PIP5K1B: variants seen among roughly 807,000 people sequenced by gnomAD.
PIP5K1B encodes the protein phosphatidylinositol 4-phosphate 5-kinase type-1 beta.
PIP5K1B carries 42 observed loss-of-function variants against 67.0 expected under a neutral mutation model. The observed-to-expected ratio is 0.63, with a 90% confidence interval of 0.49 to 0.81. The LOEUF (loss-of-function observed/expected upper bound fraction) is 0.81. Ranked by LOEUF, PIP5K1B falls within the 30% of genes least tolerant of loss-of-function variation. PIP5K1B has a pLI of 0.00. For missense variants in PIP5K1B, 459 were observed against 646.3 expected (o/e 0.71, Z 3.14); for synonymous variants, 214 against 231.4 (o/e 0.92, Z 0.68).
chr9:68,929,413 T>C (rs111543385), intron 12 of PIP5K1B, among the ~76,000 whole-genome samples: 2,571 of 152,234 alleles, frequency 0.017, 83 homozygotes, highest in African/African-American at 0.059. Flanking sequence ...ATCTGCTCAT[T>C]CTCATATATC....
chr9:68,921,094 T>G (rs1411029280), intron 11 of PIP5K1B, among the ~76,000 whole-genome samples: 1 of 152,136 alleles, frequency 6.6e-6, no homozygotes, highest in Non-Finnish European at 1.5e-5. Context: ...AGATCTACAT[T>G]TTGTCCACCG....
At chr9:68,717,570 A>G (rs184307636) in intron 1 of PIP5K1B, among the ~76,000 whole-genome samples, 33 of 152,314 alleles carry the variant, frequency 2.2e-4, no homozygotes, top group Admixed American at 2.0e-3. Flanking sequence ...TCCAGCTTAC[A>G]GATGGCAAAC....
At chr9:68,746,792 G>A (rs1246357382) in intron 2 of PIP5K1B, among the ~76,000 whole-genome samples, 1 of 152,162 alleles carries the variant, frequency 6.6e-6, no homozygotes, top group African/African-American at 2.4e-5. Flanking sequence ...GCCTCGGGCT[G>A]GAGTGGAAAG....
intron 6 of PIP5K1B, among the ~76,000 whole-genome samples, chr9:68,884,665 T>TAA (rs71353087): frequency 1.3e-4 from 17 of 133,426 alleles, no homozygotes; most frequent in African/African-American, 4.3e-4. Flanking sequence ...ACCTTGTCTT[T>TAA]AAAAAAAAAA....
chr9:68,974,765 A>G (rs936562971), intron 14 of PIP5K1B, among the ~76,000 whole-genome samples: 2 of 152,248 alleles, frequency 1.3e-5, no homozygotes, highest in African/African-American at 4.8e-5. Flanking sequence ...CTGAACAGTT[A>G]TAATTACAGT....
chr9:68,997,780 G>A (rs1339209784), intron 15 of PIP5K1B, among the ~76,000 whole-genome samples: 1 of 152,152 alleles, frequency 6.6e-6, no homozygotes, highest in Admixed American at 6.5e-5. Flanking sequence ...TCAAATTAAT[G>A]AGGCAACCTG....
chr9:68,971,463 G>A lies in PIP5K1B; in HGVS notation c.1503-19677G>A, dbSNP rs530067963. The stretch of plus-strand genomic sequence containing the variant: ...AGTGCTGCAATAAACATACTTGTGC[G>A]TGTGTCTTTATAGTAGAATCGTTTA... On this transcript the variant is annotated intron_variant, in intron 14 of 15. Transcript: ENST00000265382. Among the ~76,000 whole-genome samples the A allele has an allele frequency of 3.0e-4, 46 of 152,240 alleles. No individual in the cohort carries two copies. In the South Asian group the frequency reaches 6.8e-3, roughly 23 times the overall value.
intron 12 of PIP5K1B, among the ~76,000 whole-genome samples, chr9:68,926,017 A>G (rs1033386499): frequency 2.7e-5 from 4 of 149,476 alleles, no homozygotes; most frequent in Non-Finnish European, 4.5e-5. Context: ...GCTGTCTTGA[A>G]CTCCCAGCCT....
chr9:68,942,710 A>G (rs28371821), intron 14 of PIP5K1B, among the ~76,000 whole-genome samples: 10,006 of 152,192 alleles, frequency 0.066, 643 homozygotes, highest in African/African-American at 0.16. Flanking sequence ...GGAAAATAAA[A>G]AGTTATCTAT....
intron 4 of PIP5K1B, among the ~76,000 whole-genome samples, chr9:68,847,413 T>TTGTGTGTG (rs777818994): frequency 0.078 from 7,882 of 101,562 alleles, 602 homozygotes; most frequent in Non-Finnish European, 0.09. Flanking sequence ...AGCAGTGGTT[T>TTGTGTGTG]TGTGTGTGTG....
chr9:68,856,020 T>C (rs1822758283), intron 4 of PIP5K1B, among the ~76,000 whole-genome samples: 1 of 152,240 alleles, frequency 6.6e-6, no homozygotes, highest in Non-Finnish European at 1.5e-5. Context: ...TTGACAAGGC[T>C]GCGTTCCTTC....
At chr9:68,731,267 G>A (rs1452080325) in intron 1 of PIP5K1B, among the ~76,000 whole-genome samples, 1 of 152,192 alleles carries the variant, frequency 6.6e-6, no homozygotes, top group African/African-American at 2.4e-5. Context: ...TGTCTGGATA[G>A]GACGTATATA....
At chr9:68,803,009 A>G (rs139531621) in intron 2 of PIP5K1B, among the ~76,000 whole-genome samples, 2 of 152,200 alleles carry the variant, frequency 1.3e-5, no homozygotes, top group African/African-American at 2.4e-5. Context: ...AGAAATGATG[A>G]GATCTCAATT....
At chr9:68,720,817 C>A (rs1419163616) in intron 1 of PIP5K1B, among the ~76,000 whole-genome samples, 1 of 152,204 alleles carries the variant, frequency 6.6e-6, no homozygotes, top group Non-Finnish European at 1.5e-5. Flanking sequence ...TTTGTCACTG[C>A]CGTGGCAGGA....
intron 2 of PIP5K1B, among the ~76,000 whole-genome samples, chr9:68,785,111 A>G (rs1831536734): frequency 6.6e-6 from 1 of 152,182 alleles, no homozygotes; most frequent in Non-Finnish European, 1.5e-5. Context: ...TGGCAGGCAC[A>G]AGGAAGTGGG....
intron 14 of PIP5K1B, among the ~76,000 whole-genome samples, chr9:68,959,452 C>G (rs1828593700): frequency 6.6e-6 from 1 of 152,138 alleles, no homozygotes. Flanking sequence ...ATTCCATTCC[C>G]CACCCCTATT....
intron 2 of PIP5K1B, among the ~76,000 whole-genome samples, chr9:68,806,089 C>G (rs1412433145): frequency 2.0e-5 from 3 of 152,224 alleles, no homozygotes; most frequent in African/African-American, 7.2e-5. Flanking sequence ...CTCACTCAGT[C>G]CCTGTGTTGT....
At chr9:68,929,942 T>C (rs1026712589) in intron 12 of PIP5K1B, among the ~76,000 whole-genome samples, 13 of 152,244 alleles carry the variant, frequency 8.5e-5, no homozygotes, top group African/African-American at 3.1e-4. Flanking sequence ...AGTGCTGGGA[T>C]TACAGGTGTG....
At chr9:68,778,829 T>G (rs1831058796) in intron 2 of PIP5K1B, among the ~76,000 whole-genome samples, 1 of 152,260 alleles carries the variant, frequency 6.6e-6, no homozygotes, top group Non-Finnish European at 1.5e-5. Context: ...CTGCCCTTTT[T>G]TCTTTTTCTG....
Sources: allele counts gnomAD v4.1 joint callset (sites outside exome capture counted in the v4.1 genomes callset), GRCh38; gene constraint gnomAD v4.1.1; transcripts MANE v1.5; gene names NCBI Gene and HGNC (gene_info 2026-07-23, HGNC 2026-07-21).